The following AEN variants were observed in gnomAD, a reference collection of about 807,000 sequenced individuals.
AEN encodes the protein apoptosis-enhancing nuclease.
In AEN, 21 loss-of-function variants were observed where a neutral mutation model predicts 17.7. The ratio of observed to expected loss-of-function variants is 1.19; its 90% CI spans 0.84 to 1.71. AEN has a LOEUF of 1.71. AEN is among the 40% of genes most tolerant of loss of function. The pLI is 0.00. For synonymous variants in AEN, 190 were observed against 173.0 expected, an observed-to-expected ratio of 1.10 and a Z score of -0.77; for missense variants, 462 against 435.9, an observed-to-expected ratio of 1.06 and a Z score of -0.53.
intron 2 of AEN, chr15:88,628,406 G>A (rs781703705): frequency 6.6e-6 from 1 of 151,830 alleles, no homozygotes; most frequent in Non-Finnish European, 1.5e-5. Context: ...AGGGCTAGAG[G>A]GGGTTGCTGG....
At chr15:88,604,796 C>T in the AEN span, 1 of 152,410 alleles carries the variant, frequency 6.6e-6, no homozygotes, top group African/African-American at 2.4e-5. This position sits in a 1 kb window ranked among gnomAD's most constrained non-coding sequence, Gnocchi z 8.1. Flanking sequence ...ACAGCTTCCT[C>T]AAACCCCACC....
At chr15:88,620,185 G>T (rs192152032), upstream of AEN, among the ~76,000 whole-genome samples, 3 of 152,026 alleles carry the variant, frequency 2.0e-5, no homozygotes, top group African/African-American at 7.2e-5. Flanking sequence ...TGCAAAATGT[G>T]AACTAAGAGA....
At chr15:88,628,425 C>T (rs1043785263) in intron 2 of AEN, 3 of 151,670 alleles carry the variant, frequency 2.0e-5, no homozygotes, top group Middle Eastern at 3.4e-3. Context: ...GGCCCATGGC[C>T]CTGGGCGTGG....
Position 88,631,300 on chromosome 15 carries a change from T to C in AEN, c.*1006T>C. ...TTACGCAGTGGCCCTGAACCTGGTC[T>C]GGTGCCCCCGAACCTGGTCTGATGC... On this transcript the variant is annotated 3_prime_UTR_variant, in exon 4 of 4. Coordinates refer to ENST00000332810, the MANE Select transcript of AEN (RefSeq NM_022767.4). The C allele has an allele frequency of 2.6e-6, 1 of 377,766 alleles. No homozygotes were observed. Among genetic ancestry groups the C allele is most frequent in the Middle Eastern group, 4.4e-4 (1 of 2,280 alleles). The allele number at this position is 377,766 out of a possible 1,614,324, so 23.4% of individuals were successfully genotyped here.
the AEN span, among the ~76,000 whole-genome samples, chr15:88,608,544 T>G: frequency 6.6e-6 from 1 of 152,190 alleles, no homozygotes; most frequent in African/African-American, 2.4e-5. Flanking sequence ...TGGTGAAAAC[T>G]TTTGGAGATG....
chr15:88,607,461 C>CGCTAGCAA, the AEN span, among the ~76,000 whole-genome samples: 1 of 152,330 alleles, frequency 6.6e-6, no homozygotes, highest in African/African-American at 2.4e-5. Context: ...GAGAGGAAAT[C>CGCTAGCAA]GCTAGCAAGT....
the AEN span, among the ~76,000 whole-genome samples, chr15:88,606,169 T>C: frequency 6.6e-6 from 1 of 152,110 alleles, no homozygotes; most frequent in Admixed American, 6.5e-5. Flanking sequence ...TGGTGTTCCG[T>C]GAAAAATCGC....
At chr15:88,623,779 G>C (rs1375209746) in intron 1 of AEN, among the ~76,000 whole-genome samples, 2 of 152,224 alleles carry the variant, frequency 1.3e-5, no homozygotes, top group Non-Finnish European at 2.9e-5. Flanking sequence ...GGGGACACCA[G>C]ATTGCGGTAG....
chr15:88,605,691 G>A, the AEN span, among the ~76,000 whole-genome samples: 1 of 152,206 alleles, frequency 6.6e-6, no homozygotes, highest in Non-Finnish European at 1.5e-5. This position sits in a 1 kb window ranked among gnomAD's most constrained non-coding sequence, Gnocchi z 7.6. Flanking sequence ...TCCCAGTGTA[G>A]CCTTTCCACT....
Position 88,626,464 on chromosome 15 carries a change from G to A in AEN, c.255G>A (p.Arg85=). 6.2e-7 allele frequency: 1 copy of A among 1,613,984 alleles called. No individual in the cohort carries two copies. The highest frequency in any genetic ancestry group is 8.5e-7 in the Non-Finnish European group (1 of 1,180,010). ...CCAGCAGTGGGAAGCAGTGTCTGAG[G>A]GCTGGATCTGGCAGTGCCCCATGCA... The part of the protein sequence containing the change: ...EAASSGKQCL[R]AGSGSAPCSR... Residue 85 remains arginine, a synonymous_variant, in exon 2 of 4, where the codon AGG becomes AGA. Transcript: ENST00000332810.
rs748581174 is a variant in AEN, at chr15:88,630,057, G to C, written c.742-1G>C. The C allele has an allele frequency of 1.2e-6, 2 of 1,613,968 alleles. No homozygotes were observed. The highest frequency in any genetic ancestry group is 1.7e-6 in the Non-Finnish European group (2 of 1,179,968). On this transcript the variant is annotated splice_acceptor_variant, in intron 3 of 3. Transcript: ENST00000332810. LOFTEE classifies it high-confidence loss of function. The surrounding 1 kb of genome is among the most constrained non-coding windows in gnomAD (Gnocchi z 5.1). ...AGTGATGTGTTGGCTCTCGTCAGTA[G>C]GTGGGCCAGCACGGGCACTCATCAG...
chr15:88,616,675 G>T (rs1277495768), upstream of AEN, among the ~76,000 whole-genome samples: 1 of 152,086 alleles, frequency 6.6e-6, no homozygotes, highest in African/African-American at 2.4e-5. Context: ...ACCTACAATG[G>T]CTCAATTTAA....
upstream of AEN, among the ~76,000 whole-genome samples, chr15:88,616,628 A>G (rs112339690): frequency 4.8e-3 from 738 of 152,270 alleles, 10 homozygotes; most frequent in African/African-American, 0.017. Context: ...TTACTTAGCA[A>G]TTTTTTTATG....
At chr15:88,613,937 C>T in the AEN span, among the ~76,000 whole-genome samples, 1 of 152,204 alleles carries the variant, frequency 6.6e-6, no homozygotes, top group Non-Finnish European at 1.5e-5. Context: ...ACCCACAAAT[C>T]TGCCATCCTG....
chr15:88,625,414 AG>A (rs1210963871), intron 1 of AEN, among the ~76,000 whole-genome samples: 1 of 152,190 alleles, frequency 6.6e-6, no homozygotes, highest in East Asian at 1.9e-4. Flanking sequence ...GCTACCCAGG[AG>A]GCTGAGGTGG....
intron 3 of AEN, 38 bp downstream of exon 3, chr15:88,629,464 C>A: frequency 6.3e-7 from 1 of 1,598,174 alleles, no homozygotes; most frequent in Non-Finnish European, 8.6e-7. Context: ...GAGGGAGGCC[C>A]GCCTGGCCTC....
upstream of AEN, among the ~76,000 whole-genome samples, chr15:88,621,038 C>A (rs1252900457): frequency 6.6e-6 from 1 of 152,188 alleles, no homozygotes; most frequent in African/African-American, 2.4e-5. Context: ...CTTACAGGAG[C>A]CCACATCCCG....
At chr15:88,623,856 C>A (rs1357086611) in intron 1 of AEN, among the ~76,000 whole-genome samples, 2 of 152,232 alleles carry the variant, frequency 1.3e-5, no homozygotes, top group Admixed American at 6.5e-5. Context: ...GAGAGAGGAG[C>A]GAGGAGCAGT....
the AEN span, among the ~76,000 whole-genome samples, chr15:88,614,371 C>T: frequency 0.56 from 84,954 of 151,588 alleles, 24,560 homozygotes; most frequent in African/African-American, 0.64. Flanking sequence ...TGGCTAATTA[C>T]AGTATTTTTT....
Sources: gnomAD v4.1 joint callset for allele counts (sites outside exome capture counted in the v4.1 genomes callset) on GRCh38, gnomAD v4.1.1 for gene constraint, Gnocchi (gnomAD v3.1) non-coding constraint, MANE v1.5 for transcripts, NCBI Gene and HGNC (gene_info 2026-07-23, HGNC 2026-07-21) for gene names.